Variants in FRAS1 observed in about 807,000 individuals in gnomAD.
FRAS1 encodes extracellular matrix organizing protein FRAS1.
FRAS1 carries 290 observed loss-of-function variants against 435.2 expected under a neutral mutation model. The ratio of observed to expected loss-of-function variants is 0.67; its 90% CI spans 0.61 to 0.73. The LOEUF (loss-of-function observed/expected upper bound fraction) is 0.73, where lower values mean the gene tolerates loss of function less well. FRAS1 is among the 30% of genes least tolerant of loss of function. FRAS1 has a pLI of 0.00. For missense variants in FRAS1, 4,860 were observed against 5,001.5 expected, an observed-to-expected ratio of 0.97 and a Z score of 0.85; for synonymous variants, 1,800 against 1,851.0, an observed-to-expected ratio of 0.97 and a Z score of 0.71.
intron 20 of FRAS1, among the ~76,000 whole-genome samples, chr4:78,341,096 G>A (rs1481828672): frequency 6.6e-6 from 1 of 151,770 alleles, no homozygotes; most frequent in Non-Finnish European, 1.5e-5. Flanking sequence ...ACAGGACCCT[G>A]ACCCACACTG....
At chr4:78,250,257 T>A (rs1179555922) in intron 4 of FRAS1, among the ~76,000 whole-genome samples, 1 of 152,162 alleles carries the variant, frequency 6.6e-6, no homozygotes, top group Non-Finnish European at 1.5e-5. Flanking sequence ...CTTTCAGTTT[T>A]GGTGGAGGGG....
At chr4:78,393,666 T>C (rs775844251) in intron 29 of FRAS1, among the ~76,000 whole-genome samples, 1 of 152,126 alleles carries the variant, frequency 6.6e-6, no homozygotes, top group Non-Finnish European at 1.5e-5. Flanking sequence ...TATCCATTGA[T>C]TGACACTTAG....
chr4:78,171,294 G>A (rs192885865), intron 2 of FRAS1, among the ~76,000 whole-genome samples: 31 of 152,152 alleles, frequency 2.0e-4, no homozygotes, highest in South Asian at 6.2e-4. Flanking sequence ...TTTGCCCAAG[G>A]CCACAGGCCT....
intron 9 of FRAS1, among the ~76,000 whole-genome samples, chr4:78,275,847 T>C (rs1344060541): frequency 6.6e-6 from 1 of 152,208 alleles, no homozygotes; most frequent in Admixed American, 6.5e-5. Flanking sequence ...ATTTCCTCAA[T>C]TTGAATGTTG....
intron 33 of FRAS1, among the ~76,000 whole-genome samples, chr4:78,420,316 C>T (rs574394656): frequency 6.6e-6 from 1 of 152,310 alleles, no homozygotes; most frequent in South Asian, 2.1e-4. Context: ...GCTAACGGTT[C>T]TCCCTACATT....
intron 22 of FRAS1, 61 bp from the exon 23 acceptor site, chr4:78,369,777 A>G: frequency 6.7e-7 from 1 of 1,496,418 alleles, no homozygotes; most frequent in East Asian, 2.3e-5. Flanking sequence ...TCTAGGTTTG[A>G]TCAGTGCTTC....
chr4:78,092,552 A>T (rs1012776798), intron 2 of FRAS1, among the ~76,000 whole-genome samples: 6 of 152,020 alleles, frequency 3.9e-5, no homozygotes, highest in Admixed American at 1.3e-4. Context: ...GGAAAGACCC[A>T]CCCCCATGAT....
rs935400088 is a variant in FRAS1 at position 78,284,430 on chromosome 4, A to G, written c.1281A>G (p.Thr427=). 1 of 1,613,690 alleles carries G rather than the reference A, an allele frequency of 6.2e-7. No homozygotes were observed. The highest frequency in any genetic ancestry group is 8.5e-7 in the Non-Finnish European group (1 of 1,179,844). ...TSVHCHPDCL[T]CSQSPDHCDL... is the part of the protein sequence containing the mutation. ...TTCATTGCCATCCAGATTGTTTGAC[A>G]TGCTCTCAGTCTCCAGACCACTGTG... The change falls in exon 13 of 74, where the codon ACA becomes ACG. Residue 427 remains threonine, a synonymous_variant. Transcript: ENST00000512123.
chr4:78,124,567 C>A (rs1345848310), intron 2 of FRAS1, among the ~76,000 whole-genome samples: 2 of 152,064 alleles, frequency 1.3e-5, no homozygotes, highest in African/African-American at 4.8e-5. Context: ...CCTCTTTGTA[C>A]CTTTGGTAGA....
At chr4:78,461,811 G>A (rs1040939090) in intron 47 of FRAS1, among the ~76,000 whole-genome samples, 1 of 152,156 alleles carries the variant, frequency 6.6e-6, no homozygotes, top group Non-Finnish European at 1.5e-5. Flanking sequence ...AATCATAGCA[G>A]CTTTATATAT....
At chr4:78,483,798 A>ATATATAT (rs1491045148) in intron 58 of FRAS1, among the ~76,000 whole-genome samples, 51 of 71,448 alleles carry the variant, frequency 7.1e-4, no homozygotes, top group South Asian at 3.0e-3. Context: ...ATATATATAT[A>ATATATAT]AAATTATGTA....
At chr4:78,314,866 C>T (rs1729171818) in intron 15 of FRAS1, among the ~76,000 whole-genome samples, 1 of 151,120 alleles carries the variant, frequency 6.6e-6, no homozygotes, top group African/African-American at 2.5e-5. Context: ...CCCCCACCCT[C>T]ACATTTTTTT....
intron 34 of FRAS1, 115 bp downstream of exon 34, chr4:78,422,115 G>C: frequency 9.0e-7 from 1 of 1,114,002 alleles, no homozygotes; most frequent in Non-Finnish European, 1.2e-6. Flanking sequence ...CTGCTTTCTA[G>C]CTATTCAAAA....
At chr4:78,390,845 G>A (rs79882958) in intron 29 of FRAS1, among the ~76,000 whole-genome samples, 3,335 of 152,312 alleles carry the variant, frequency 0.022, 141 homozygotes, top group African/African-American at 0.075. Flanking sequence ...AGTTTAAATG[G>A]AATGGCCAAG....
At chr4:78,176,944 A>G (rs990510544) in intron 2 of FRAS1, among the ~76,000 whole-genome samples, 2 of 152,240 alleles carry the variant, frequency 1.3e-5, no homozygotes, top group Admixed American at 6.5e-5. Context: ...TGTCCCATCA[A>G]AACATCACAG....
Position 78,512,346 on chromosome 4 carries a change from C to T in FRAS1, c.10013+840C>T, listed in dbSNP as rs1408508559. On this transcript the variant is annotated intron_variant, in intron 64 of 73. Coordinates refer to ENST00000512123, the MANE Select transcript of FRAS1 (RefSeq NM_025074.7). The stretch of plus-strand genomic sequence containing the variant: ...TGAATATGTACATGCTTCTTTCTTT[C>T]CTGACACAATAAAATGTATCTTGGT... Among the ~76,000 whole-genome samples the T allele has an allele frequency of 2.0e-5, 3 of 152,242 alleles. No homozygotes were observed. In the East Asian group the frequency reaches 5.8e-4, roughly 29 times the overall value.
At chr4:78,304,046 TTGAGAG>T (rs1323970737) in intron 14 of FRAS1, among the ~76,000 whole-genome samples, 1 of 151,676 alleles carries the variant, frequency 6.6e-6, no homozygotes, top group African/African-American at 2.4e-5. Flanking sequence ...ACCTAATTTA[TTGAGAG>T]TTTTTAGCAT....
At chr4:78,363,032 TTTG>T (rs1731135435) in intron 20 of FRAS1, among the ~76,000 whole-genome samples, 1 of 152,108 alleles carries the variant, frequency 6.6e-6, no homozygotes, top group South Asian at 2.1e-4. Context: ...CAGGCTGTTT[TTTG>T]TTGTTGTTTT....
intron 2 of FRAS1, among the ~76,000 whole-genome samples, chr4:78,170,917 G>C (rs568486233): frequency 3.2e-4 from 48 of 152,070 alleles, no homozygotes; most frequent in Non-Finnish European, 5.9e-4. Flanking sequence ...ATGAGGAGCT[G>C]CTCTTTTTTC....
Sources: gnomAD v4.1 joint callset for allele counts (sites outside exome capture counted in the v4.1 genomes callset) on GRCh38, gnomAD v4.1.1 for gene constraint, MANE v1.5 for transcripts, NCBI Gene and HGNC (gene_info 2026-07-23, HGNC 2026-07-21) for gene names.